The following NPAS3 variants were observed in gnomAD, a reference collection of about 807,000 sequenced individuals.
The protein encoded by NPAS3 is neuronal PAS domain-containing protein 3.
In NPAS3, 14 loss-of-function variants were observed where a neutral mutation model predicts 73.1. That is an observed-to-expected ratio of 0.19 (90% CI 0.13 to 0.30). NPAS3 has a LOEUF of 0.30. Ranked by LOEUF, NPAS3 falls within the 10% of genes least tolerant of loss-of-function variation. The pLI, the probability that NPAS3 is intolerant of heterozygous loss-of-function variation, is 1.00. For synonymous variants in NPAS3, 620 were observed against 541.5 expected, an observed-to-expected ratio of 1.14 and a Z score of -2.01; for missense variants, 1,096 against 1,250.0, an observed-to-expected ratio of 0.88 and a Z score of 1.86.
intron 1 of NPAS3, among the ~76,000 whole-genome samples, chr14:32,953,072 A>G (rs2036544061): frequency 6.6e-6 from 1 of 151,960 alleles, no homozygotes; most frequent in African/African-American, 2.4e-5. Context: ...CCCTGTCTCA[A>G]AACAAATCAT....
chr14:33,085,077 A>G (rs1337577631), intron 2 of NPAS3, among the ~76,000 whole-genome samples: 3 of 152,196 alleles, frequency 2.0e-5, no homozygotes, highest in Admixed American at 6.5e-5. Context: ...TTCAAGGCAC[A>G]TGAATATGGA....
At chr14:33,062,270 A>T (rs1566518464) in intron 2 of NPAS3, among the ~76,000 whole-genome samples, 1 of 150,718 alleles carries the variant, frequency 6.6e-6, no homozygotes, top group Non-Finnish European at 1.5e-5. Context: ...ATGTGATCTC[A>T]TTGTTCAATT....
intron 4 of NPAS3, among the ~76,000 whole-genome samples, chr14:33,544,825 A>ATATATATATTATATATATATATAAAAT: frequency 6.2e-5 from 7 of 112,188 alleles, no homozygotes; most frequent in African/African-American, 2.9e-4. Context: ...TATATAATAT[A>ATATATATATTATATATATATATAAAAT]TATGTGTATA....
chr14:33,503,076 T>G, intron 4 of NPAS3, among the ~76,000 whole-genome samples: 1 of 151,988 alleles, frequency 6.6e-6, no homozygotes, highest in East Asian at 1.9e-4. Context: ...TCGAGATTTA[T>G]TCTTTGTTAA....
chr14:33,531,698 G>A (rs1334859228), intron 4 of NPAS3, among the ~76,000 whole-genome samples: 1 of 152,092 alleles, frequency 6.6e-6, no homozygotes, highest in Non-Finnish European at 1.5e-5. Flanking sequence ...ATACCTAGGA[G>A]TAGGGCTTCT....
intron 3 of NPAS3, among the ~76,000 whole-genome samples, chr14:33,335,319 G>A (rs887040170): frequency 1.3e-5 from 2 of 152,112 alleles, no homozygotes; most frequent in African/African-American, 4.8e-5. Context: ...AAAATGGCAT[G>A]GGCTAGGTAC....
intron 4 of NPAS3, among the ~76,000 whole-genome samples, chr14:33,383,760 A>G (rs1042581887): frequency 6.6e-6 from 1 of 152,152 alleles, no homozygotes; most frequent in African/African-American, 2.4e-5. Context: ...CAGCTTCCGG[A>G]AGTCTGGTCA....
chr14:33,087,515 C>A (rs902959370), intron 2 of NPAS3, among the ~76,000 whole-genome samples: 1 of 152,022 alleles, frequency 6.6e-6, no homozygotes, highest in South Asian at 2.1e-4. Flanking sequence ...AAAATAGATT[C>A]ATGTTTATCA....
chr14:33,451,752 A>G (rs1198882682), intron 4 of NPAS3, among the ~76,000 whole-genome samples: 1 of 152,190 alleles, frequency 6.6e-6, no homozygotes, highest in Non-Finnish European at 1.5e-5. Context: ...CTAAGGAGAA[A>G]TTAAGGAGTA....
chr14:33,544,428 G>A (rs141934665), intron 4 of NPAS3, among the ~76,000 whole-genome samples: 13 of 152,184 alleles, frequency 8.5e-5, no homozygotes, highest in African/African-American at 3.1e-4. Flanking sequence ...GATTTTAGGA[G>A]GTAATTAAGG....
intron 4 of NPAS3, among the ~76,000 whole-genome samples, chr14:33,419,263 A>G (rs1342216833): frequency 1.3e-5 from 2 of 151,974 alleles, no homozygotes; most frequent in African/African-American, 4.8e-5. Flanking sequence ...AATAGCTAAC[A>G]TTAGAGAAGA....
chr14:33,231,441 C>T (rs2047847753), intron 3 of NPAS3, among the ~76,000 whole-genome samples: 1 of 152,044 alleles, frequency 6.6e-6, no homozygotes, highest in Non-Finnish European at 1.5e-5. Flanking sequence ...ATATTGGAGA[C>T]ACAAAATTAT....
At chr14:33,279,383 T>C (rs2041487175) in intron 3 of NPAS3, among the ~76,000 whole-genome samples, 1 of 152,124 alleles carries the variant, frequency 6.6e-6, no homozygotes, top group African/African-American at 2.4e-5. Context: ...TACGAGATAG[T>C]TGTCACTTTA....
At chr14:33,080,206 CA>C (rs2041821475) in intron 2 of NPAS3, among the ~76,000 whole-genome samples, 1 of 152,054 alleles carries the variant, frequency 6.6e-6, no homozygotes, top group African/African-American at 2.4e-5. Flanking sequence ...CTCCGGGGTT[CA>C]CACCATTCTC....
chr14:33,765,428 TA>T (rs1209939902), intron 7 of NPAS3, among the ~76,000 whole-genome samples: 1 of 152,046 alleles, frequency 6.6e-6, no homozygotes, highest in Non-Finnish European at 1.5e-5. Flanking sequence ...CCGGCTGGGC[TA>T]GGGGGAGGGG....
At chr14:33,760,953 C>T (rs544869221) in intron 7 of NPAS3, among the ~76,000 whole-genome samples, 1 of 152,232 alleles carries the variant, frequency 6.6e-6, no homozygotes, top group African/African-American at 2.4e-5. Context: ...CATGTTGTAC[C>T]AGTTCCAGGG....
intron 3 of NPAS3, among the ~76,000 whole-genome samples, chr14:33,354,592 C>T (rs906870613): frequency 2.0e-5 from 3 of 152,196 alleles, no homozygotes; most frequent in African/African-American, 7.2e-5. Context: ...GCCAAAAACT[C>T]AATTCTGCGC....
intron 2 of NPAS3, among the ~76,000 whole-genome samples, chr14:33,161,520 AATGAGGATACTAATAC>A (rs1195934164): frequency 1.3e-5 from 2 of 152,244 alleles, no homozygotes; most frequent in Non-Finnish European, 2.9e-5. Flanking sequence ...AAGGGTGAAG[AATGAGGATACTAATAC>A]ATTGGTATCA....
chr14:32,989,626 C>CAG (rs1274884291), intron 1 of NPAS3, among the ~76,000 whole-genome samples: 10 of 151,972 alleles, frequency 6.6e-5, no homozygotes, highest in Admixed American at 2.0e-4. Flanking sequence ...GCCTGGGCGA[C>CAG]AGCGAGACTC....
Sources: allele counts gnomAD v4.1 joint callset (sites outside exome capture counted in the v4.1 genomes callset), GRCh38; gene constraint gnomAD v4.1.1; transcripts MANE v1.5; gene names NCBI Gene and HGNC (gene_info 2026-07-23, HGNC 2026-07-21).